Variants in BPIFB1 observed in about 807,000 individuals in gnomAD.
BPIFB1 encodes BPI fold-containing family B member 1.
In BPIFB1, 34 loss-of-function variants were observed where a neutral mutation model predicts 55.1. The ratio of observed to expected loss-of-function variants is 0.62; its 90% CI spans 0.47 to 0.82. The LOEUF (loss-of-function observed/expected upper bound fraction) is 0.82, where lower values mean the gene tolerates loss of function less well. BPIFB1 is among the 40% of genes least tolerant of loss of function. The pLI is 0.00. For missense variants in BPIFB1, 532 were observed against 593.1 expected (o/e 0.90, Z 1.07); for synonymous variants, 236 against 245.3 (o/e 0.96, Z 0.35).
intron 8 of BPIFB1, among the ~76,000 whole-genome samples, chr20:33,300,681 G>C (rs1158092956): frequency 5.3e-5 from 8 of 152,108 alleles, no homozygotes; most frequent in African/African-American, 1.9e-4. Flanking sequence ...TGACCTCCTG[G>C]GCTCAAGCGA....
At chr20:33,307,946 C>T (rs1170024452) in intron 15 of BPIFB1, 1 of 151,592 alleles carries the variant, frequency 6.6e-6, no homozygotes, top group Non-Finnish European at 1.5e-5. Context: ...AAAATAAATA[C>T]CTGAGACTGG....
At chr20:33,306,854 C>T in intron 14 of BPIFB1, 57 bp from the exon 15 acceptor site, 2 of 1,479,786 alleles carry the variant, frequency 1.4e-6, no homozygotes, top group South Asian at 2.3e-5. Flanking sequence ...GAGCCTGCCC[C>T]TGGCTGCCCA....
At chr20:33,306,172 C>T in intron 14 of BPIFB1, 107 bp downstream of exon 14, 1 of 1,194,872 alleles carries the variant, frequency 8.4e-7, no homozygotes. Context: ...CCCAGCCATC[C>T]CTCAGAGCCT....
intron 6 of BPIFB1, among the ~76,000 whole-genome samples, chr20:33,297,087 C>A (rs544122583): frequency 6.3e-4 from 96 of 152,300 alleles, no homozygotes; most frequent in African/African-American, 2.2e-3. Context: ...CCATGCCTGG[C>A]TTTTTGTATC....
In BPIFB1 at chr20:33,309,118, C is replaced by T. The variant is rs946005656; in HGVS notation, c.1396-590C>T. On this transcript the variant is annotated intron_variant, in intron 15 of 15. Transcript: ENST00000253354. This position sits in a 1 kb window ranked among gnomAD's most constrained non-coding sequence, Gnocchi z 4.4. ...AATGCTTGGTGAGCAAATGACTCTC[C>T]GTGGCATCTGCTGGGGAGAGGATCT... Among the ~76,000 whole-genome samples, 1 of 152,266 alleles carries T rather than the reference C, an allele frequency of 6.6e-6. No individual in the cohort carries two copies. The highest frequency in any genetic ancestry group is 2.4e-5 in the African/African-American group (1 of 41,530).
At chr20:33,290,578 GA>G (rs2146527491) in intron 4 of BPIFB1, among the ~76,000 whole-genome samples, 1 of 152,240 alleles carries the variant, frequency 6.6e-6, no homozygotes, top group Admixed American at 6.5e-5. Flanking sequence ...AGAAGTCAAC[GA>G]TGACTCCAAG....
chr20:33,305,316 CTTT>C (rs34490442), intron 13 of BPIFB1, among the ~76,000 whole-genome samples: 3 of 106,198 alleles, frequency 2.8e-5, no homozygotes, highest in Admixed American at 1.1e-4. Flanking sequence ...CTATTTTTGA[CTTT>C]TTTTTTTTTT....
At chr20:33,302,306 A>C (rs1980879119) in intron 9 of BPIFB1, 53 bp from the exon 10 acceptor site, 3 of 1,577,622 alleles carry the variant, frequency 1.9e-6, no homozygotes, top group Non-Finnish European at 2.6e-6. Flanking sequence ...GGTGCAGGAG[A>C]TGTGCCTCCC....
At chr20:33,308,774 A>G (rs990045314) in intron 15 of BPIFB1, among the ~76,000 whole-genome samples, 40 of 109,846 alleles carry the variant, frequency 3.6e-4, no homozygotes, top group African/African-American at 1.5e-3. Flanking sequence ...ACACATACAC[A>G]CTACACACAC....
At position 33,309,603 on chromosome 20, in the gene BPIFB1, G is replaced by A; in HGVS notation, c.1396-105G>A. On this transcript the variant is annotated intron_variant, in intron 15 of 15. Transcript: ENST00000253354. This position sits in a 1 kb window ranked among gnomAD's most constrained non-coding sequence, Gnocchi z 4.4. ...TCTGTATTTGTGGGTTCAGGGTCAT[G>A]GTCCCCCGGTGCCAGCAGTCACCTT... The A allele has an allele frequency of 9.3e-7, 1 of 1,073,410 alleles. No individual in the cohort carries two copies. The highest frequency in any genetic ancestry group is 1.4e-6 in the Non-Finnish European group (1 of 699,176). 66.5% of individuals were successfully genotyped at this position (1,073,410 alleles called of 1,614,324 possible).
intron 6 of BPIFB1, 124 bp downstream of exon 6, chr20:33,292,112 T>C: frequency 2.3e-6 from 2 of 876,254 alleles, no homozygotes; most frequent in Non-Finnish European, 3.7e-6. Context: ...AAGAATTATC[T>C]GGGGCTGGAT....
At position 33,301,582 on chromosome 20, in the gene BPIFB1, TC is replaced by T. The variant is rs143579144; in HGVS notation, c.927+173del. ...TGACATAGCTCTAAACCTAAAATCCTCCCGGTAACATCCAGCCCCAGTCATG... is the reference window on the plus strand; with the variant it reads ...TGACATAGCTCTAAACCTAAAATCCTCCGGTAACATCCAGCCCCAGTCATG... On this transcript the variant is annotated intron_variant, in intron 9 of 15. Coordinates refer to ENST00000253354, the MANE Select transcript of BPIFB1 (RefSeq NM_033197.3). 1.5e-3 allele frequency among the ~76,000 whole-genome samples: 226 copies of T among 152,260 alleles called. 2 individuals carry two copies. The East Asian group carries it at 0.041, about 27-fold the overall frequency.
Position 33,293,967 on chromosome 20 carries a change from T to C in BPIFB1, c.597+1979T>C, listed in dbSNP as rs542119014. ...TCCATGTCCTTACCTTCAAGAAAAATACAGTAAAACATTTAATCTCCATTT... is the reference window on the plus strand; with the variant it reads ...TCCATGTCCTTACCTTCAAGAAAAACACAGTAAAACATTTAATCTCCATTT... On this transcript the variant is annotated intron_variant, in intron 6 of 15. Coordinates refer to ENST00000253354, the MANE Select transcript of BPIFB1 (RefSeq NM_033197.3). Among the ~76,000 whole-genome samples the C allele has an allele frequency of 7.4e-4, 113 of 152,306 alleles. 1 individual carries two copies. The South Asian group carries it at 0.021, about 28-fold the overall frequency.
chr20:33,303,159 C>T (rs1980911654), intron 11 of BPIFB1, 85 bp downstream of exon 11: 1 of 1,524,138 alleles, frequency 6.6e-7, no homozygotes. Context: ...CTTTGTTAAA[C>T]ATTTCCACCA....
At chr20:33,298,526 C>T (rs1980727269) in intron 7 of BPIFB1, among the ~76,000 whole-genome samples, 1 of 151,484 alleles carries the variant, frequency 6.6e-6, no homozygotes, top group African/African-American at 2.5e-5. Flanking sequence ...GGGCATCTGC[C>T]ATGGGCCACG....
At position 33,304,039 on chromosome 20, in the gene BPIFB1, T is replaced by A. The variant is rs760174112; in HGVS notation, c.1208+14T>A. ...GAATAACATCAGGTAAACACACAAA[T>A]CATCATGAAGATTCTGCTGATGGAA... On this transcript the variant is annotated intron_variant, in intron 12 of 15. Transcript: ENST00000253354. 4 of 1,608,662 alleles carry A rather than the reference T, an allele frequency of 2.5e-6. No individual in the cohort carries two copies. The highest frequency in any genetic ancestry group is 3.4e-6 in the Non-Finnish European group (4 of 1,177,426).
chr20:33,286,120 C>A lies in BPIFB1; in HGVS notation c.47C>A (p.Ala16Asp). 1 of 1,614,196 alleles carries A rather than the reference C, an allele frequency of 6.2e-7. No individual in the cohort carries two copies. Among genetic ancestry groups the A allele is most frequent in the Non-Finnish European group, 8.5e-7 (1 of 1,180,026 alleles). ...TFTLLCGLLA[A>D]TLIQATLSPT... is the part of the protein sequence containing the mutation. ...ACCCTTCTCTGTGGTTTGCTGGCAG[C>A]CACCTTGATCCAAGCCACCCTCAGT... The change falls in exon 2 of 16, where the codon GCC (alanine) becomes GAC (aspartate). Residue 16 changes from alanine (A) to aspartate (D), a missense_variant. Coordinates refer to ENST00000253354, the MANE Select transcript of BPIFB1 (RefSeq NM_033197.3).
At chr20:33,305,566 CT>C (rs887067540) in intron 13 of BPIFB1, among the ~76,000 whole-genome samples, 112 of 152,210 alleles carry the variant, frequency 7.4e-4, no homozygotes, top group African/African-American at 2.6e-3. Context: ...ATCTGCCCGC[CT>C]TGGCCTCCCA....
intron 9 of BPIFB1, 30 bp from the exon 10 acceptor site, chr20:33,302,329 C>T: frequency 6.2e-7 from 1 of 1,613,060 alleles, no homozygotes; most frequent in Non-Finnish European, 8.5e-7. Flanking sequence ...TGCCCTCCAA[C>T]TGACCTTCTC....
Sources: gnomAD v4.1 joint callset for allele counts (sites outside exome capture counted in the v4.1 genomes callset) on GRCh38, gnomAD v4.1.1 for gene constraint, Gnocchi (gnomAD v3.1) non-coding constraint, MANE v1.5 for transcripts, NCBI Gene and HGNC (gene_info 2026-07-23, HGNC 2026-07-21) for gene names.